Variants in SLC24A3 observed in about 807,000 individuals in gnomAD.
SLC24A3 encodes the protein solute carrier family 24 member 3, also known as sodium/potassium/calcium exchanger 3.
In SLC24A3, 28 loss-of-function variants were observed where a neutral mutation model predicts 75.8. That is an observed-to-expected ratio of 0.37 (90% CI 0.27 to 0.51). The LOEUF is 0.51. Ranked by LOEUF, SLC24A3 falls within the 20% of genes least tolerant of loss-of-function variation. The pLI is 0.94. For missense variants in SLC24A3, 663 were observed against 847.8 expected, an observed-to-expected ratio of 0.78 and a Z score of 2.71; for synonymous variants, 372 against 334.1, an observed-to-expected ratio of 1.11 and a Z score of -1.24.
chr20:19,578,603 T>C (rs1449630963), intron 3 of SLC24A3, among the ~76,000 whole-genome samples: 1 of 151,966 alleles, frequency 6.6e-6, no homozygotes, highest in Non-Finnish European at 1.5e-5. Context: ...GTCATGTGTG[T>C]GCGCCCTGTG....
At chr20:19,271,881 A>T (rs1301464756) in intron 1 of SLC24A3, among the ~76,000 whole-genome samples, 1 of 152,252 alleles carries the variant, frequency 6.6e-6, no homozygotes, top group Non-Finnish European at 1.5e-5. Context: ...TATAGTGTAC[A>T]CTGCTCAGAT....
chr20:19,360,179 A>G (rs557848007), intron 2 of SLC24A3, among the ~76,000 whole-genome samples: 2 of 152,364 alleles, frequency 1.3e-5, no homozygotes, highest in Non-Finnish European at 2.9e-5. Context: ...ATCAGTATCT[A>G]TATCTTGGGT....
At chr20:19,275,647 C>T (rs765419109) in intron 1 of SLC24A3, among the ~76,000 whole-genome samples, 9 of 151,756 alleles carry the variant, frequency 5.9e-5, no homozygotes, top group Non-Finnish European at 8.8e-5. Context: ...GGGAGGAGGG[C>T]GGTAGGGGAG....
At chr20:19,656,492 C>T (rs572082151) in intron 7 of SLC24A3, among the ~76,000 whole-genome samples, 2 of 152,286 alleles carry the variant, frequency 1.3e-5, no homozygotes, top group South Asian at 4.1e-4. Context: ...ACCTGGAACC[C>T]AAGGACTCTT....
intron 2 of SLC24A3, among the ~76,000 whole-genome samples, chr20:19,451,809 T>C (rs776256758): frequency 1.2e-4 from 19 of 152,194 alleles, no homozygotes; most frequent in Non-Finnish European, 2.2e-4. Flanking sequence ...CACACAGTCA[T>C]GTCATGCGCT....
At chr20:19,489,872 G>A (rs1232189964) in intron 2 of SLC24A3, among the ~76,000 whole-genome samples, 1 of 152,168 alleles carries the variant, frequency 6.6e-6, no homozygotes, top group Non-Finnish European at 1.5e-5. Context: ...GGAATGTGCC[G>A]TTCTTCACTG....
intron 2 of SLC24A3, among the ~76,000 whole-genome samples, chr20:19,401,495 G>A (rs991436139): frequency 6.6e-6 from 1 of 152,200 alleles, no homozygotes; most frequent in Admixed American, 6.5e-5. Context: ...GAACTTTGGG[G>A]ATCATCTACT....
intron 15 of SLC24A3, among the ~76,000 whole-genome samples, chr20:19,704,381 G>A (rs2032905336): frequency 6.6e-6 from 1 of 152,190 alleles, no homozygotes; most frequent in Non-Finnish European, 1.5e-5. Context: ...TCCTTCCAAC[G>A]CCTATGTAAG....
In SLC24A3 at chr20:19,281,066, A is replaced by G. The variant is rs755775488; in HGVS notation, c.250A>G (p.Ser84Gly). ...LTSEDAGLRNSKNCTEPALHE... is the reference protein window; with the variant it reads ...LTSEDAGLRNGKNCTEPALHE... ...TTCCGAAGATGCCGGACTCCGGAAC[A>G]GCAAGAACTGCACCGAACCAGGTAA... The change falls in exon 2 of 17, where the codon AGC (serine) becomes GGC (glycine). Residue 84 changes from serine to glycine, a missense_variant. Around this residue, in one of 2 missense-constraint regions of SLC24A3, gnomAD observed 153 missense variants for 144.2 expected, o/e 1.06. Transcript: ENST00000328041. The G allele has an allele frequency of 6.2e-7, 1 of 1,614,196 alleles. No individual in the cohort carries two copies. The highest frequency in any genetic ancestry group is 8.5e-7 in the Non-Finnish European group (1 of 1,180,018).
chr20:19,363,524 A>G (rs763729733), intron 2 of SLC24A3, among the ~76,000 whole-genome samples: 9 of 152,208 alleles, frequency 5.9e-5, no homozygotes, highest in Admixed American at 2.6e-4. Context: ...TGCTCTATCA[A>G]TGCTGAAAGG....
At chr20:19,389,654 T>C (rs984570768) in intron 2 of SLC24A3, among the ~76,000 whole-genome samples, 2 of 152,224 alleles carry the variant, frequency 1.3e-5, no homozygotes, top group African/African-American at 4.8e-5. Context: ...GCTTTCAAAA[T>C]TATTACTTTT....
intron 2 of SLC24A3, among the ~76,000 whole-genome samples, chr20:19,363,752 TGGATGTTTTAAAAAAGCAAAG>T (rs751906295): frequency 6.6e-6 from 1 of 152,222 alleles, no homozygotes; most frequent in Non-Finnish European, 1.5e-5. Context: ...TATTTTGTAT[TGGATGTTTTAAAAAAGCAAAG>T]GATTTTTTTC....
chr20:19,495,929 G>A (rs777492308), intron 2 of SLC24A3, among the ~76,000 whole-genome samples: 41 of 152,284 alleles, frequency 2.7e-4, no homozygotes, highest in Middle Eastern at 6.8e-3. Flanking sequence ...AGTGGATTCT[G>A]TTTGGCTCTT....
At chr20:19,531,834 G>A (rs1360204190) in intron 3 of SLC24A3, among the ~76,000 whole-genome samples, 1 of 152,166 alleles carries the variant, frequency 6.6e-6, no homozygotes, top group Non-Finnish European at 1.5e-5. Flanking sequence ...GTGGAGATCA[G>A]AGTGTCCCAA....
In SLC24A3 at chr20:19,566,898, G is replaced by A. The variant is rs116578579; in HGVS notation, c.349-13102G>A. 2.2e-3 allele frequency among the ~76,000 whole-genome samples: 333 copies of A among 152,272 alleles called. 2 individuals carry two copies. The highest frequency in any genetic ancestry group is 7.5e-3 in the African/African-American group (313 of 41,564). ...AGACATAATAACACAGCCAACAAGC[G>A]CATGAAAAATGCTCAACATCACTAC... is the stretch of plus-strand genomic sequence containing the variant. On this transcript the variant is annotated intron_variant, in intron 3 of 16. Coordinates refer to ENST00000328041, the MANE Select transcript of SLC24A3 (RefSeq NM_020689.4).
intron 2 of SLC24A3, among the ~76,000 whole-genome samples, chr20:19,453,291 A>T (rs1987522558): frequency 1.3e-5 from 2 of 152,078 alleles, no homozygotes; most frequent in Admixed American, 1.3e-4. Context: ...TTGAGGCTAC[A>T]GTAAACTATG....
Position 19,212,958 on chromosome 20 carries a change from C to A in SLC24A3, c.116C>A (p.Ser39Ter), listed in dbSNP as rs545353094. ...GCCTCGGTGGCGCTGCTGCTCTGGT[C>A]GCTGTCGAGCCTGCGAGAGCAGAAG... ...FLASVALLLW[S>*]LSSLREQKEL... The change falls in exon 1 of 17, where the codon TCG (serine) becomes TAG (stop). Residue 39 changes from serine (S) to a stop codon, truncating the protein, a stop_gained. Transcript: ENST00000328041. LOFTEE classifies it high-confidence loss of function. 1 of 1,317,738 alleles carries A rather than the reference C, an allele frequency of 7.6e-7. No individual in the cohort carries two copies. Among genetic ancestry groups the A allele is most frequent in the Non-Finnish European group, 9.7e-7 (1 of 1,031,280 alleles). 81.6% of individuals were successfully genotyped at this position (1,317,738 alleles called of 1,614,324 possible).
intron 15 of SLC24A3, among the ~76,000 whole-genome samples, chr20:19,709,793 C>T (rs1211352084): frequency 2.6e-5 from 4 of 152,164 alleles, no homozygotes; most frequent in East Asian, 3.8e-4. Context: ...TCACCAGCTT[C>T]GTAAACTTGA....
At chr20:19,239,478 C>A (rs1449330819) in intron 1 of SLC24A3, among the ~76,000 whole-genome samples, 1 of 152,156 alleles carries the variant, frequency 6.6e-6, no homozygotes, top group East Asian at 1.9e-4. Flanking sequence ...CTGGAAGGGG[C>A]CAGCTGAACA....
Sources: gnomAD v4.1 joint callset for allele counts (sites outside exome capture counted in the v4.1 genomes callset) on GRCh38, gnomAD v4.1.1 for gene constraint, gnomAD v4.1.1 regional missense constraint, MANE v1.5 for transcripts, NCBI Gene and HGNC (gene_info 2026-07-23, HGNC 2026-07-21) for gene names.